FHIT: variants seen among roughly 807,000 people sequenced by gnomAD.
FHIT encodes bis(5'-adenosyl)-triphosphatase.
In FHIT, 19 loss-of-function variants were observed where a neutral mutation model predicts 17.9. That is an observed-to-expected ratio of 1.06 (90% confidence interval 0.74 to 1.56). FHIT has a LOEUF of 1.56. Among genes scored for constraint, FHIT ranks in the 40% most tolerant of loss-of-function variants. The pLI is 0.00. For missense variants in FHIT, 248 were observed against 189.2 expected, an observed-to-expected ratio of 1.31 and a Z score of -1.82; for synonymous variants, 81 against 69.7, an observed-to-expected ratio of 1.16 and a Z score of -0.81.
At chr3:60,550,852 G>A (rs937729941) in intron 4 of FHIT, among the ~76,000 whole-genome samples, 1 of 152,062 alleles carries the variant, frequency 6.6e-6, no homozygotes, top group African/African-American at 2.4e-5. Context: ...CTAGGCACAG[G>A]GTGCATATTG....
intron 3 of FHIT, among the ~76,000 whole-genome samples, chr3:60,828,165 A>T (rs1326245733): frequency 6.6e-6 from 1 of 152,202 alleles, no homozygotes; most frequent in Non-Finnish European, 1.5e-5. Context: ...ATTCAGTGAG[A>T]TAATTTATGT....
chr3:60,050,194 T>C (rs74764792), intron 5 of FHIT, among the ~76,000 whole-genome samples: 6 of 152,344 alleles, frequency 3.9e-5, no homozygotes, highest in Non-Finnish European at 8.8e-5. Context: ...CTGTTAGACG[T>C]AATTTTTCAG....
chr3:60,256,556 G>A (rs1056170686), intron 5 of FHIT, among the ~76,000 whole-genome samples: 3 of 152,174 alleles, frequency 2.0e-5, no homozygotes, highest in Non-Finnish European at 4.4e-5. Context: ...GGCTAAGAGA[G>A]GACAGGTAAC....
intron 4 of FHIT, chr3:60,732,236 T>C: frequency 3.5e-6 from 3 of 847,442 alleles, no homozygotes; most frequent in South Asian, 2.6e-5. Context: ...ATGATATTCA[T>C]GCCTTCACCA....
chr3:60,283,293 C>A (rs115908431), intron 5 of FHIT, among the ~76,000 whole-genome samples: 1 of 151,940 alleles, frequency 6.6e-6, no homozygotes, highest in Admixed American at 6.6e-5. Flanking sequence ...CAACTTTGCT[C>A]CCTCAAGTCA....
At chr3:61,010,540 T>A (rs2031731329) in intron 3 of FHIT, among the ~76,000 whole-genome samples, 1 of 152,220 alleles carries the variant, frequency 6.6e-6, no homozygotes, top group Non-Finnish European at 1.5e-5. Flanking sequence ...GTTTATCTGC[T>A]GCTTGGTAAA....
At position 59,922,337 on chromosome 3, in the gene FHIT, C is replaced by G. The variant is rs756931374; in HGVS notation, c.348+9G>C. On this transcript the variant is annotated intron_variant, in intron 8 of 9. Coordinates refer to ENST00000492590, the MANE Select transcript of FHIT (RefSeq NM_002012.4). ...GATCAAACAATAAGATCAGAGAGAA[C>G]AGACCCACCTCCTCATAGATGCTGT... 5.0e-6 allele frequency: 8 copies of G among 1,611,116 alleles called. No homozygotes were observed. In the African/African-American group the frequency reaches 6.7e-5, roughly 13 times the overall value.
At chr3:61,013,215 G>T (rs975446123) in intron 3 of FHIT, among the ~76,000 whole-genome samples, 8 of 152,096 alleles carry the variant, frequency 5.3e-5, no homozygotes, top group African/African-American at 1.9e-4. Context: ...CTCCTGCCTT[G>T]TTATTATTTC....
rs958005278 is a variant in FHIT at position 59,864,304 on chromosome 3, A to C, written c.348+58042T>G. ...CACGCTATTCTTTCGATAGTGAAGAAGTCTCACAAAATCTCATGGGTTTAT... is the reference window on the plus strand; with the variant it reads ...CACGCTATTCTTTCGATAGTGAAGACGTCTCACAAAATCTCATGGGTTTAT... On this transcript the variant is annotated intron_variant, in intron 8 of 9. Coordinates refer to ENST00000492590, the MANE Select transcript of FHIT (RefSeq NM_002012.4). 7.9e-5 allele frequency among the ~76,000 whole-genome samples: 12 copies of C among 152,086 alleles called. 1 individual carries two copies. The highest frequency in any genetic ancestry group is 2.9e-4 in the African/African-American group (12 of 41,412).
intron 8 of FHIT, among the ~76,000 whole-genome samples, chr3:59,756,510 C>T (rs1225700112): frequency 6.8e-6 from 1 of 147,334 alleles, no homozygotes; most frequent in Non-Finnish European, 1.5e-5. Flanking sequence ...CACTCAGTGA[C>T]TTGTTTTAGG....
At chr3:60,367,205 G>C (rs1490811170) in intron 5 of FHIT, among the ~76,000 whole-genome samples, 3 of 152,084 alleles carry the variant, frequency 2.0e-5, no homozygotes, top group Non-Finnish European at 4.4e-5. Context: ...TTTATCATTA[G>C]TTCCTTTCAA....
intron 4 of FHIT, among the ~76,000 whole-genome samples, chr3:60,744,529 T>C (rs1553714848): frequency 6.6e-6 from 1 of 152,134 alleles, no homozygotes; most frequent in Admixed American, 6.5e-5. Context: ...AATTTACACT[T>C]TATAGTTGTG....
intron 5 of FHIT, among the ~76,000 whole-genome samples, chr3:60,105,791 T>C (rs1396134438): frequency 6.6e-6 from 1 of 152,130 alleles, no homozygotes; most frequent in African/African-American, 2.4e-5. Flanking sequence ...AGTATTTTAC[T>C]TTTACTCTAA....
chr3:59,798,099 G>A (rs1699851657), intron 8 of FHIT, among the ~76,000 whole-genome samples: 1 of 152,116 alleles, frequency 6.6e-6, no homozygotes, highest in Admixed American at 6.6e-5. Context: ...ACCCTACTGG[G>A]AAACATGCCA....
chr3:59,866,642 T>C, intron 8 of FHIT, among the ~76,000 whole-genome samples: 1 of 152,100 alleles, frequency 6.6e-6, no homozygotes, highest in Admixed American at 6.5e-5. Context: ...TGTCTAAAAG[T>C]AAATCTGATG....
intron 3 of FHIT, among the ~76,000 whole-genome samples, chr3:61,028,749 A>G (rs1200358674): frequency 6.6e-6 from 1 of 152,194 alleles, no homozygotes; most frequent in Non-Finnish European, 1.5e-5. Flanking sequence ...AAAAGTGCTC[A>G]CTCAATGAAC....
At chr3:61,229,689 C>T (rs189466571) in intron 1 of FHIT, among the ~76,000 whole-genome samples, 1 of 152,016 alleles carries the variant, frequency 6.6e-6, no homozygotes, top group Non-Finnish European at 1.5e-5. Flanking sequence ...GGGCCTAGAA[C>T]AAAGTAAGTT....
intron 5 of FHIT, among the ~76,000 whole-genome samples, chr3:60,164,827 G>C (rs1055831619): frequency 2.6e-5 from 4 of 152,074 alleles, no homozygotes; most frequent in Non-Finnish European, 4.4e-5. Context: ...CCTTGGCCAA[G>C]TTATTTCCTT....
chr3:60,781,451 G>A (rs1386522785), intron 4 of FHIT, among the ~76,000 whole-genome samples: 4 of 151,202 alleles, frequency 2.6e-5, no homozygotes, highest in African/African-American at 9.8e-5. Flanking sequence ...ATCAAGTCCT[G>A]AGGAAAGAGA....
Sources: gnomAD v4.1 joint callset for allele counts (sites outside exome capture counted in the v4.1 genomes callset) on GRCh38, gnomAD v4.1.1 for gene constraint, MANE v1.5 for transcripts, NCBI Gene and HGNC (gene_info 2026-07-23, HGNC 2026-07-21) for gene names.